PRKACB: variants seen among roughly 807,000 people sequenced by gnomAD.
PRKACB encodes protein kinase cAMP-activated catalytic subunit beta, also known as cAMP-dependent protein kinase catalytic subunit beta.
In PRKACB, 16 loss-of-function variants were observed where a neutral mutation model predicts 51.4. The ratio of observed to expected loss-of-function variants is 0.31; its 90% confidence interval spans 0.21 to 0.47. The LOEUF (loss-of-function observed/expected upper bound fraction) is 0.47, where lower values mean the gene tolerates loss of function less well. Among genes scored for constraint, PRKACB ranks in the 20% least tolerant of loss-of-function variants. The pLI, the probability that PRKACB is intolerant of heterozygous loss-of-function variation, is 1.00. For synonymous variants in PRKACB, 147 were observed against 154.4 expected (o/e 0.95, Z 0.35); for missense variants, 309 against 464.5 (o/e 0.67, Z 3.08).
At chr1:84,102,381 C>G (rs1221761197) in intron 1 of PRKACB, among the ~76,000 whole-genome samples, 1 of 151,680 alleles carries the variant, frequency 6.6e-6, no homozygotes, top group East Asian at 1.9e-4. Context: ...AGCGAGACTC[C>G]ATCTCAAAAA....
chr1:84,092,637 A>G (rs1337121660), intron 1 of PRKACB, among the ~76,000 whole-genome samples: 2 of 152,184 alleles, frequency 1.3e-5, no homozygotes, highest in African/African-American at 4.8e-5. Context: ...TTTCTGGGTC[A>G]CAGATCATGT....
intron 1 of PRKACB, among the ~76,000 whole-genome samples, chr1:84,087,478 A>T (rs1191973838): frequency 6.6e-6 from 1 of 151,760 alleles, no homozygotes; most frequent in Non-Finnish European, 1.5e-5. Flanking sequence ...TTTAAAGGTG[A>T]AACATGTGTT....
chr1:84,112,024 A>G (rs1650270874), intron 1 of PRKACB, among the ~76,000 whole-genome samples: 1 of 152,184 alleles, frequency 6.6e-6, no homozygotes, highest in South Asian at 2.1e-4. Context: ...CCTTCAGGCC[A>G]GAGTTTACTT....
chr1:84,214,853 C>G (rs1242361638), intron 9 of PRKACB, among the ~76,000 whole-genome samples: 1 of 152,104 alleles, frequency 6.6e-6, no homozygotes, highest in African/African-American at 2.4e-5. Context: ...GAAATGTTTC[C>G]TTTGTTAAAT....
intron 9 of PRKACB, among the ~76,000 whole-genome samples, chr1:84,230,582 T>C (rs926919479): frequency 3.3e-5 from 5 of 152,054 alleles, no homozygotes; most frequent in African/African-American, 1.2e-4. Context: ...TGTTCTTCCA[T>C]TTGTTTGTAT....
intron 8 of PRKACB, among the ~76,000 whole-genome samples, chr1:84,213,564 T>C (rs1672443128): frequency 6.6e-6 from 1 of 152,164 alleles, no homozygotes; most frequent in South Asian, 2.1e-4. Flanking sequence ...AAAATGCTTT[T>C]AAACCAATCT....
intron 1 of PRKACB, among the ~76,000 whole-genome samples, chr1:84,115,296 G>A (rs974698261): frequency 2.1e-4 from 32 of 151,592 alleles, no homozygotes; most frequent in Non-Finnish European, 4.1e-4. Context: ...GTGATGTTGA[G>A]CATTTTTCAT....
In PRKACB at chr1:84,182,193, C is replaced by T; in HGVS notation, c.250-7C>T. The stretch of plus-strand genomic sequence containing the variant: ...ATTTTAAATTTTATTTATGTATTTA[C>T]ATATAGAATAATGCCGGACTTGAAG... On this transcript the variant is annotated splice_polypyrimidine_tract_variant and splice_region_variant and intron_variant, in intron 2 of 9. Coordinates refer to ENST00000370685, the MANE Select transcript of PRKACB (RefSeq NM_182948.4). The T allele has an allele frequency of 6.6e-7, 1 of 1,521,010 alleles. No homozygotes were observed. The highest frequency in any genetic ancestry group is 8.9e-7 in the Non-Finnish European group (1 of 1,124,378). The allele number at this position is 1,521,010 out of a possible 1,614,324, so 94.2% of individuals were successfully genotyped here.
chr1:84,180,822 A>G (rs1364200872), intron 2 of PRKACB, among the ~76,000 whole-genome samples: 1 of 152,058 alleles, frequency 6.6e-6, no homozygotes, highest in African/African-American at 2.4e-5. Context: ...TAAGGAAGAT[A>G]ACATATTTTT....
At chr1:84,139,539 T>G (rs186858597), upstream of PRKACB, among the ~76,000 whole-genome samples, 321 of 152,238 alleles carry the variant, frequency 2.1e-3, 1 homozygote, top group African/African-American at 7.4e-3. Flanking sequence ...ATCTGTGTGT[T>G]GAAAACTGTA....
chr1:84,136,953 T>C (rs1652886546), intron 1 of PRKACB, among the ~76,000 whole-genome samples: 1 of 152,184 alleles, frequency 6.6e-6, no homozygotes, highest in Non-Finnish European at 1.5e-5. Context: ...CATGCTGTAC[T>C]CATGATAGTG....
intron 8 of PRKACB, chr1:84,205,222 A>C (rs1671152815): frequency 1.0e-6 from 1 of 984,750 alleles, no homozygotes; most frequent in African/African-American, 1.7e-5. Flanking sequence ...AATTTTTGCC[A>C]TTAAAAGGCT....
chr1:84,112,807 G>T (rs573921900), intron 1 of PRKACB, among the ~76,000 whole-genome samples: 1 of 152,196 alleles, frequency 6.6e-6, no homozygotes, highest in African/African-American at 2.4e-5. Flanking sequence ...CCAGTGGAAG[G>T]TACTCTTAGG....
chr1:84,143,839 GT>G (rs927381565), upstream of PRKACB, among the ~76,000 whole-genome samples: 13 of 151,994 alleles, frequency 8.6e-5, no homozygotes, highest in African/African-American at 3.1e-4. Context: ...TTTTGCAAGA[GT>G]TTTTTCATAC....
chr1:84,103,434 T>A (rs879679214), intron 1 of PRKACB, among the ~76,000 whole-genome samples: 2 of 77,042 alleles, frequency 2.6e-5, no homozygotes, highest in African/African-American at 5.2e-5. Flanking sequence ...GGTGTGGGGG[T>A]GGGGGGTAGA....
chr1:84,113,072 T>C (rs1650362194), intron 1 of PRKACB, among the ~76,000 whole-genome samples: 2 of 152,202 alleles, frequency 1.3e-5, no homozygotes, highest in Non-Finnish European at 1.5e-5. Flanking sequence ...TTACTAAATA[T>C]GAAATTTAGA....
At position 84,166,659 on chromosome 1, in the gene PRKACB, A is replaced by G. The variant is rs1571955736; in HGVS notation, c.188-12518A>G. On this transcript the variant is annotated intron_variant, in intron 1 of 9. Transcript: ENST00000370685. ...TGTCCTAGCCATTTCAACTTGGAAA[A>G]TTACAAGAGAAGTGTGGTTTTATTT... 2.0e-5 allele frequency among the ~76,000 whole-genome samples: 3 copies of G among 151,774 alleles called. 1 individual carries two copies. In the Middle Eastern group the frequency reaches 0.01, roughly 516 times the overall value.
chr1:84,221,292 A>G (rs1202495048), intron 9 of PRKACB, among the ~76,000 whole-genome samples: 3 of 151,420 alleles, frequency 2.0e-5, no homozygotes. Flanking sequence ...CAGTTGTAAA[A>G]TATTTTTCTT....
chr1:84,084,495 G>A (rs761299504), intron 1 of PRKACB, among the ~76,000 whole-genome samples: 2 of 152,140 alleles, frequency 1.3e-5, no homozygotes, highest in Non-Finnish European at 2.9e-5. Context: ...TGGTGGTGAT[G>A]TGAAGATAAA....
Sources: allele counts gnomAD v4.1 joint callset (sites outside exome capture counted in the v4.1 genomes callset), GRCh38; gene constraint gnomAD v4.1.1; transcripts MANE v1.5; gene names NCBI Gene and HGNC (gene_info 2026-07-23, HGNC 2026-07-21).